The following CDH13 variants were observed in gnomAD, a reference collection of about 807,000 sequenced individuals.
The protein encoded by CDH13 is cadherin-13.
Under a neutral mutation model 63.8 loss-of-function variants are expected in CDH13, and 24 were observed. That is an observed-to-expected ratio of 0.38 (90% CI 0.27 to 0.53). CDH13 has a LOEUF of 0.53. CDH13 is among the 20% of genes least tolerant of loss of function. CDH13 has a pLI of 0.85. For missense variants in CDH13, 1,049 were observed against 903.1 expected (o/e 1.16, Z -2.07); for synonymous variants, 503 against 355.3 (o/e 1.42, Z -4.67).
Position 83,286,717 on chromosome 16 carries a change from C to T in CDH13, c.637-58145C>T. Among the ~76,000 whole-genome samples the T allele has an allele frequency of 1.3e-5, 2 of 148,674 alleles. 1 individual carries two copies. Among genetic ancestry groups the T allele is most frequent in the Non-Finnish European group, 3.0e-5 (2 of 67,576 alleles). On this transcript the variant is annotated intron_variant, in intron 5 of 13. Coordinates refer to ENST00000567109, the MANE Select transcript of CDH13 (RefSeq NM_001257.5). ...GTTGCAGTGAACCAAGATGGTACTACTGTATTCCAGCCTGGGCAACAAAGT... is the reference window on the plus strand; with the variant it reads ...GTTGCAGTGAACCAAGATGGTACTATTGTATTCCAGCCTGGGCAACAAAGT...
intron 3 of CDH13, among the ~76,000 whole-genome samples, chr16:83,064,908 A>G (rs909669168): frequency 6.6e-5 from 10 of 152,130 alleles, no homozygotes; most frequent in African/African-American, 2.2e-4. Flanking sequence ...ATAATACATT[A>G]TTATTGACTG....
intron 7 of CDH13, among the ~76,000 whole-genome samples, chr16:83,487,353 G>T (rs62040124): frequency 2.0e-3 from 312 of 152,252 alleles, no homozygotes; most frequent in Non-Finnish European, 3.6e-3. Context: ...CTGGACATCA[G>T]AAATCCTGGA....
At chr16:83,099,456 T>G (rs1437082884) in intron 3 of CDH13, among the ~76,000 whole-genome samples, 2 of 151,630 alleles carry the variant, frequency 1.3e-5, no homozygotes, top group African/African-American at 4.8e-5. Flanking sequence ...CCAGAGTAGC[T>G]GGGATTACAG....
At chr16:83,175,531 C>T (rs959670227) in intron 4 of CDH13, among the ~76,000 whole-genome samples, 2 of 152,070 alleles carry the variant, frequency 1.3e-5, no homozygotes, top group Non-Finnish European at 2.9e-5. Flanking sequence ...CTGACTGAAT[C>T]AGAGCCTCCA....
At chr16:82,870,357 A>G (rs550152274) in intron 2 of CDH13, among the ~76,000 whole-genome samples, 8 of 152,130 alleles carry the variant, frequency 5.3e-5, no homozygotes, top group Non-Finnish European at 1.2e-4. Context: ...ACCCTCATAC[A>G]CTGTTGGTGG....
At chr16:83,587,254 G>T (rs4550432) in intron 7 of CDH13, among the ~76,000 whole-genome samples, 2 of 152,148 alleles carry the variant, frequency 1.3e-5, no homozygotes, top group Non-Finnish European at 2.9e-5. Flanking sequence ...CTTTGATTGC[G>T]CTTTTCTAAG....
chr16:82,968,836 A>C (rs990408976), intron 2 of CDH13, among the ~76,000 whole-genome samples: 17 of 152,320 alleles, frequency 1.1e-4, no homozygotes, highest in African/African-American at 4.1e-4. Context: ...AAGTAATAAT[A>C]AGGCTGGGTG....
At chr16:82,781,444 G>C (rs2035749515) in intron 1 of CDH13, among the ~76,000 whole-genome samples, 2 of 151,928 alleles carry the variant, frequency 1.3e-5, no homozygotes, top group African/African-American at 4.8e-5. Context: ...TGATGGCTAA[G>C]GTCATTCTCC....
chr16:83,312,066 C>A (rs76307098), intron 5 of CDH13, among the ~76,000 whole-genome samples: 48 of 94,888 alleles, frequency 5.1e-4, no homozygotes, highest in South Asian at 1.2e-3. Flanking sequence ...AACTCCATCT[C>A]AAAAAAAAAA....
chr16:83,635,966 G>A (rs185689441), intron 8 of CDH13, among the ~76,000 whole-genome samples: 14 of 151,904 alleles, frequency 9.2e-5, no homozygotes, highest in African/African-American at 2.2e-4. Flanking sequence ...TGATCCTTTC[G>A]GAACTGATTT....
intron 6 of CDH13, among the ~76,000 whole-genome samples, chr16:83,414,385 G>A (rs950393545): frequency 6.6e-6 from 1 of 152,114 alleles, no homozygotes; most frequent in African/African-American, 2.4e-5. Context: ...TATATTTTTA[G>A]AGGAAACAAA....
At chr16:82,716,673 G>C (rs1020905704) in intron 1 of CDH13, among the ~76,000 whole-genome samples, 1 of 149,212 alleles carries the variant, frequency 6.7e-6, no homozygotes, top group Non-Finnish European at 1.5e-5. Flanking sequence ...TGGGTATTAA[G>C]GGGGGTGACT....
chr16:83,001,568 A>C (rs1255869898), intron 2 of CDH13, among the ~76,000 whole-genome samples: 1 of 152,214 alleles, frequency 6.6e-6, no homozygotes, highest in Non-Finnish European at 1.5e-5. Flanking sequence ...AGAGAAATTG[A>C]CTGGGAGGTA....
intron 3 of CDH13, among the ~76,000 whole-genome samples, chr16:83,113,132 G>A (rs547450243): frequency 2.4e-4 from 36 of 152,190 alleles, no homozygotes; most frequent in African/African-American, 7.5e-4. Flanking sequence ...AGACACCTGC[G>A]GTAGATTCTG....
At chr16:83,708,455 AC>A (rs1907484676) in intron 10 of CDH13, among the ~76,000 whole-genome samples, 1 of 151,838 alleles carries the variant, frequency 6.6e-6, no homozygotes, top group South Asian at 2.1e-4. Context: ...TGGCTTACTC[AC>A]CCCTCAGCAT....
chr16:83,369,370 G>C (rs376106208), intron 6 of CDH13, among the ~76,000 whole-genome samples: 1 of 151,928 alleles, frequency 6.6e-6, no homozygotes, highest in Non-Finnish European at 1.5e-5. Context: ...AAGCATGTAG[G>C]TCCAAACCTG....
intron 1 of CDH13, among the ~76,000 whole-genome samples, chr16:82,795,114 T>C (rs1426347336): frequency 2.0e-5 from 3 of 152,172 alleles, no homozygotes; most frequent in Non-Finnish European, 4.4e-5. Flanking sequence ...CTTCACCAGA[T>C]AGTGTGGGAA....
intron 4 of CDH13, among the ~76,000 whole-genome samples, chr16:83,171,118 A>T (rs565004456): frequency 6.6e-6 from 1 of 152,244 alleles, no homozygotes; most frequent in East Asian, 1.9e-4. Context: ...CTGTGCAGGA[A>T]GCATGGTGGC....
At chr16:82,933,660 G>T (rs1055514026) in intron 2 of CDH13, among the ~76,000 whole-genome samples, 1 of 152,090 alleles carries the variant, frequency 6.6e-6, no homozygotes, top group Admixed American at 6.5e-5. Context: ...CCACCTATGA[G>T]CCTGTAAAAT....
Sources: allele counts gnomAD v4.1 joint callset (sites outside exome capture counted in the v4.1 genomes callset), GRCh38; gene constraint gnomAD v4.1.1; transcripts MANE v1.5; gene names NCBI Gene and HGNC (gene_info 2026-07-23, HGNC 2026-07-21).